NAA25: variants seen among roughly 807,000 people sequenced by gnomAD.
NAA25 encodes the protein N-terminal acetyltransferase B complex subunit NAA25.
In NAA25, 30 loss-of-function variants were observed where a neutral mutation model predicts 132.5. The ratio of observed to expected loss-of-function variants is 0.23; its 90% CI spans 0.17 to 0.31. The LOEUF (loss-of-function observed/expected upper bound fraction) is 0.31. Among genes scored for constraint, NAA25 ranks in the 10% least tolerant of loss-of-function variants. The pLI is 1.00. For missense variants in NAA25, 771 were observed against 1,150.4 expected, an observed-to-expected ratio of 0.67 and a Z score of 4.77; for synonymous variants, 359 against 401.9, an observed-to-expected ratio of 0.89 and a Z score of 1.28.
At chr12:112,105,497 T>A (rs566983598) in intron 1 of NAA25, among the ~76,000 whole-genome samples, 2 of 152,216 alleles carry the variant, frequency 1.3e-5, no homozygotes, top group Non-Finnish European at 2.9e-5. Flanking sequence ...ATTAGTAATG[T>A]GAGATGCACT....
intron 12 of NAA25, among the ~76,000 whole-genome samples, 200 bp downstream of exon 12, chr12:112,060,981 G>C (rs188237550): frequency 1.3e-5 from 2 of 152,234 alleles, no homozygotes; most frequent in East Asian, 3.9e-4. Context: ...GAAGAATACA[G>C]ACAACTGAAA....
chr12:112,076,709 A>G (rs75950446), intron 7 of NAA25, among the ~76,000 whole-genome samples: 1 of 151,804 alleles, frequency 6.6e-6, no homozygotes, highest in South Asian at 2.1e-4. Flanking sequence ...AAAAAAAAAA[A>G]GGGCCAGGCC....
At chr12:112,053,429 G>T in intron 15 of NAA25, 129 bp downstream of exon 15, 2 of 671,650 alleles carry the variant, frequency 3.0e-6, no homozygotes, top group Non-Finnish European at 5.4e-6. Context: ...AGTAAGCTTT[G>T]GTCTAAGGGC....
At chr12:112,042,001 C>A in intron 20 of NAA25, 38 bp downstream of exon 20, 1 of 1,226,410 alleles carries the variant, frequency 8.2e-7, no homozygotes, top group South Asian at 1.5e-5. Flanking sequence ...GCCATACAAC[C>A]AGATACAAAT....
chr12:112,085,258 G>A (rs1256387772), intron 4 of NAA25, among the ~76,000 whole-genome samples: 1 of 151,988 alleles, frequency 6.6e-6, no homozygotes, highest in Non-Finnish European at 1.5e-5. Context: ...CAAGTGTGGT[G>A]GCAGGCACCT....
chr12:112,043,815 A>C lies in NAA25; in HGVS notation c.2060T>G (p.Leu687Ter). ...CCTCAATGTTAAGGATCGGATTCTT[A>C]ACCACAAGGTCTCCTCCTCTAAGGA... ...KLSLEEETLW[L>*]RIRSLTLRLI... Residue 687 changes from leucine to a stop codon, truncating the protein, a stop_gained, in exon 18 of 24, where the codon TTA becomes TGA. Coordinates refer to ENST00000261745, the MANE Select transcript of NAA25 (RefSeq NM_024953.4). LOFTEE classifies it high-confidence loss of function. 2 of 1,614,154 alleles carry C rather than the reference A, an allele frequency of 1.2e-6. No individual in the cohort carries two copies. The highest frequency in any genetic ancestry group is 1.7e-6 in the Non-Finnish European group (2 of 1,179,990).
chr12:112,047,199 GT>G (rs906030750), intron 17 of NAA25, among the ~76,000 whole-genome samples: 1 of 122,242 alleles, frequency 8.2e-6, no homozygotes, highest in Non-Finnish European at 1.8e-5. Context: ...AGTGAAGTTT[GT>G]TTTTTTTAAT....
intron 2 of NAA25, among the ~76,000 whole-genome samples, chr12:112,092,284 T>G (rs536284401): frequency 6.7e-6 from 1 of 150,004 alleles, no homozygotes; most frequent in African/African-American, 2.5e-5. Flanking sequence ...ACTTGTGGCA[T>G]GTAAGTGACT....
At chr12:112,035,608 C>T (rs1409259923) in intron 22 of NAA25, among the ~76,000 whole-genome samples, 1 of 152,068 alleles carries the variant, frequency 6.6e-6, no homozygotes, top group Non-Finnish European at 1.5e-5. Flanking sequence ...CTCAGCAGAG[C>T]ATCCAATCTA....
Position 112,047,737 on chromosome 12 carries a change from T to A in NAA25, c.1934A>T (p.Asp645Val), listed in dbSNP as rs771574827. Residue 645 changes from aspartate to valine, a missense_variant, in exon 17 of 24, where the codon GAT becomes GTT. Transcript: ENST00000261745. ...IKSMNLRPEE[D>V]DIPWEDLRDN... ...TCGCAAATCTTCCCATGGAATGTCA[T>A]CTTCTTCTGGCCTAAGGTTCATTGA... The A allele has an allele frequency of 6.2e-7, 1 of 1,614,024 alleles. No individual in the cohort carries two copies. The highest frequency in any genetic ancestry group is 1.1e-5 in the South Asian group (1 of 91,022).
intron 18 of NAA25, 57 bp downstream of exon 18, chr12:112,043,567 TA>T: frequency 1.3e-6 from 2 of 1,586,674 alleles, no homozygotes; most frequent in Non-Finnish European, 1.7e-6. Flanking sequence ...CTCCTGTTTA[TA>T]AAACAGTCAT....
At position 112,090,590 on chromosome 12, in the gene NAA25, C is replaced by G; in HGVS notation, c.283+136G>C. 6 of 780,598 alleles carry G rather than the reference C, an allele frequency of 7.7e-6. No individual in the cohort carries two copies. In the South Asian group the frequency reaches 1.3e-4, roughly 16 times the overall value. 48.4% of individuals were successfully genotyped at this position (780,598 alleles called of 1,614,324 possible). ...CTATCCTTTCTATCTACAGTTCTCG[C>G]AAACCCTGGCTAATGCGTTATTCTA... On this transcript the variant is annotated intron_variant, in intron 3 of 23. Transcript: ENST00000261745.
rs139641115 is a variant in NAA25, at chr12:112,040,570, T to G, written c.2449A>C (p.Ser817Arg). Residue 817 changes from serine (S) to arginine (R), a missense_variant, in exon 21 of 24, where the codon AGT (serine) becomes CGT (arginine). By Grantham distance (110) the Ser-to-Arg change is moderately radical. Transcript: ENST00000261745. ...TCTAAGAGGTCACCTTTACATTTAC[T>G]GAAGACATCTGAAAACAAAAAACAT... ...SLLDQLKDVF[S>R]KCKGDLLEVK... The G allele has an allele frequency of 1.0e-5, 16 of 1,575,246 alleles. No individual in the cohort carries two copies. Among genetic ancestry groups the G allele is most frequent in the Non-Finnish European group, 1.2e-5 (14 of 1,152,538 alleles).
At position 112,053,666 on chromosome 12, in the gene NAA25, G is replaced by C. The variant is rs1254201563; in HGVS notation, c.1629-9C>G. On this transcript the variant is annotated splice_polypyrimidine_tract_variant and intron_variant, in intron 14 of 23. Transcript: ENST00000261745. Reference sequence around the variant, plus strand: ...ATCGGGTCAAAAGATAACTAGATCAGAAGGAAAGAAGGAAAAAAAAAGACA... The same window carrying C: ...ATCGGGTCAAAAGATAACTAGATCACAAGGAAAGAAGGAAAAAAAAAGACA... 7.7e-6 allele frequency: 12 copies of C among 1,562,678 alleles called. No homozygotes were observed. Among genetic ancestry groups the C allele is most frequent in the Non-Finnish European group, 1.1e-5 (12 of 1,141,172 alleles).
intron 22 of NAA25, among the ~76,000 whole-genome samples, chr12:112,036,176 G>A (rs2078222014): frequency 6.6e-6 from 1 of 152,104 alleles, no homozygotes; most frequent in Non-Finnish European, 1.5e-5. Flanking sequence ...AATAAAGATG[G>A]GGAGAGCCCT....
chr12:112,088,909 T>G (rs1035287969), intron 3 of NAA25, among the ~76,000 whole-genome samples: 2 of 152,008 alleles, frequency 1.3e-5, no homozygotes, highest in Non-Finnish European at 2.9e-5. Flanking sequence ...CGTGAGCCAC[T>G]GCGCCCGGCT....
chr12:112,099,509 C>T (rs1331770687), intron 1 of NAA25, among the ~76,000 whole-genome samples: 1 of 152,044 alleles, frequency 6.6e-6, no homozygotes, highest in East Asian at 1.9e-4. Flanking sequence ...ACAGATAATA[C>T]TATAATGCAG....
In NAA25 at chr12:112,048,350, G is replaced by C; in HGVS notation, c.1822C>G (p.His608Asp). The change falls in exon 16 of 24, where the codon CAT becomes GAT. Residue 608 changes from histidine (H) to aspartate (D), a missense_variant. His to Asp is a moderately conservative substitution (Grantham distance 81). Around this residue, in one of 3 missense-constraint regions of NAA25, gnomAD observed 417 missense variants for 733.8 expected, o/e 0.57. Transcript: ENST00000261745. ...AFRNRLNNSL[H>D]FAQVRTERML... The stretch of plus-strand genomic sequence containing the variant: ...CGTTCAGTACGGACTTGTGCAAAAT[G>C]AAGAGAATTATTCAGCCTGTTCCTA... 6.2e-7 allele frequency: 1 copy of C among 1,614,060 alleles called. No individual in the cohort carries two copies. Among genetic ancestry groups the C allele is most frequent in the Non-Finnish European group, 8.5e-7 (1 of 1,179,996 alleles).
At chr12:112,048,805 C>T (rs969509409) in intron 15 of NAA25, among the ~76,000 whole-genome samples, 1 of 152,072 alleles carries the variant, frequency 6.6e-6, no homozygotes, top group Non-Finnish European at 1.5e-5. Flanking sequence ...TGTTTTTCTG[C>T]ATCTAAGATA....
Sources: gnomAD v4.1 joint callset for allele counts (sites outside exome capture counted in the v4.1 genomes callset) on GRCh38, gnomAD v4.1.1 for gene constraint, gnomAD v4.1.1 regional missense constraint, MANE v1.5 for transcripts, NCBI Gene and HGNC (gene_info 2026-07-23, HGNC 2026-07-21) for gene names.